Variants in DSN1 observed in about 807,000 individuals in gnomAD.
The protein encoded by DSN1 is kinetochore-associated protein DSN1 homolog.
Under a neutral mutation model 45.7 loss-of-function variants are expected in DSN1, and 31 were observed. The observed-to-expected ratio is 0.68, with a 90% CI of 0.51 to 0.92. The LOEUF (loss-of-function observed/expected upper bound fraction) is 0.92. DSN1 is among the 40% of genes least tolerant of loss of function. The pLI is 0.00. For missense variants in DSN1, 394 were observed against 414.2 expected (o/e 0.95, Z 0.42); for synonymous variants, 134 against 142.3 (o/e 0.94, Z 0.41).
At chr20:36,773,094 A>G (rs548802451) in intron 1 of DSN1, among the ~76,000 whole-genome samples, 1 of 152,390 alleles carries the variant, frequency 6.6e-6, no homozygotes, top group East Asian at 1.9e-4. Flanking sequence ...TCCTTATGAC[A>G]ATATCACACA....
rs2148251261 is a variant in DSN1, at chr20:36,751,914, C to T, written c.*874G>A. ...CATGAATCCAGGATTTAGGTCAACT[C>T]AATATGAAAAACTGAAGCACACTAC... On this transcript the variant is annotated 3_prime_UTR_variant, in exon 11 of 11. Transcript: ENST00000373750. 6.6e-6 allele frequency: 1 copy of T among 152,026 alleles called. No individual in the cohort carries two copies. The highest frequency in any genetic ancestry group is 1.9e-4 in the East Asian group (1 of 5,188). The allele number at this position is 152,026 out of a possible 1,614,324, so 9.4% of individuals were successfully genotyped here. A position where few individuals can be genotyped will look rare whatever the true frequency, so the allele number is the denominator to read the frequency against.
At chr20:36,766,210 A>G (rs1987329806) in intron 5 of DSN1, among the ~76,000 whole-genome samples, 1 of 151,650 alleles carries the variant, frequency 6.6e-6, no homozygotes, top group East Asian at 1.9e-4. Context: ...AAAAAAAAAA[A>G]AAGAAAAAAA....
chr20:36,762,583 G>A, intron 5 of DSN1, 35 bp from the exon 6 acceptor site: 3 of 1,581,032 alleles, frequency 1.9e-6, no homozygotes, highest in Non-Finnish European at 2.6e-6. Context: ...ATAAAATAAA[G>A]GAAATATACG....
chr20:36,757,658 A>T (rs1163394881), intron 8 of DSN1, among the ~76,000 whole-genome samples: 1 of 152,170 alleles, frequency 6.6e-6, no homozygotes, highest in Non-Finnish European at 1.5e-5. Flanking sequence ...CTCTTTCCTC[A>T]ATCTTCCTCA....
chr20:36,755,889 C>T, intron 8 of DSN1, 60 bp from the exon 9 acceptor site: 8 of 1,562,564 alleles, frequency 5.1e-6, no homozygotes, highest in Non-Finnish European at 7.0e-6. Flanking sequence ...GAAGAGATAC[C>T]AAAGATTATC....
intron 6 of DSN1, among the ~76,000 whole-genome samples, chr20:36,761,288 T>C (rs1198701594): frequency 6.6e-6 from 1 of 152,140 alleles, no homozygotes; most frequent in Non-Finnish European, 1.5e-5. Flanking sequence ...GCCCACCCCC[T>C]CAAGTCATGA....
At chr20:36,757,112 T>A (rs1042603161) in intron 8 of DSN1, among the ~76,000 whole-genome samples, 1 of 152,192 alleles carries the variant, frequency 6.6e-6, no homozygotes, top group East Asian at 1.9e-4. Flanking sequence ...TCTCAACACA[T>A]TGGGAGGCCA....
In DSN1 at chr20:36,773,749, G is replaced by C; in HGVS notation, c.-103C>G. ...CCCGCAGCCGATACTCCCTGATCAGGGTGAAGCGGTCTCCACCTTCTACGT... is the reference window on the plus strand; with the variant it reads ...CCCGCAGCCGATACTCCCTGATCAGCGTGAAGCGGTCTCCACCTTCTACGT... On this transcript the variant is annotated 5_prime_UTR_variant, in exon 1 of 11. Transcript: ENST00000373750. The C allele has an allele frequency of 2.0e-6, 2 of 985,544 alleles. No individual in the cohort carries two copies. The highest frequency in any genetic ancestry group is 2.4e-6 in the Non-Finnish European group (2 of 829,988). The allele number at this position is 985,544 out of a possible 1,614,324, so 61.0% of individuals were successfully genotyped here. A position where few individuals can be genotyped will look rare whatever the true frequency, so the allele number is the denominator to read the frequency against.
rs548510665 is a variant in DSN1, at chr20:36,760,231, G to A, written c.591-1614C>T. On this transcript the variant is annotated intron_variant, in intron 6 of 10. Coordinates refer to ENST00000373750, the MANE Select transcript of DSN1 (RefSeq NM_001145315.2). ...TGCACTCCAGCCTGGCCAACAGAGC[G>A]AGACTCTGCCTCAAAAAAAAACAAA... Among the ~76,000 whole-genome samples, 9 of 151,530 alleles carry A rather than the reference G, an allele frequency of 5.9e-5. No individual in the cohort carries two copies. The South Asian group carries it at 1.1e-3, about 18-fold the overall frequency.
intron 3 of DSN1, among the ~76,000 whole-genome samples, chr20:36,769,902 T>C (rs1027651174): frequency 8.5e-6 from 1 of 117,268 alleles, no homozygotes; most frequent in Non-Finnish European, 1.7e-5. Flanking sequence ...TCACTGTAGA[T>C]ACACACACAC....
rs1987774345 is a variant in DSN1 at position 36,773,748 on chromosome 20, G to A, written c.-102C>T. The A allele has an allele frequency of 4.1e-6, 4 of 985,420 alleles. No individual in the cohort carries two copies. The highest frequency in any genetic ancestry group is 6.1e-5 in the Admixed American group (1 of 16,274). The allele number at this position is 985,420 out of a possible 1,614,324, so 61.0% of individuals were successfully genotyped here. A position where few individuals can be genotyped will look rare whatever the true frequency, so the allele number is the denominator to read the frequency against. On this transcript the variant is annotated 5_prime_UTR_variant, in exon 1 of 11. Coordinates refer to ENST00000373750, the MANE Select transcript of DSN1 (RefSeq NM_001145315.2). ...ACCCGCAGCCGATACTCCCTGATCA[G>A]GGTGAAGCGGTCTCCACCTTCTACG...
intron 8 of DSN1, 122 bp from the exon 9 acceptor site, chr20:36,755,951 TC>T: frequency 8.7e-7 from 1 of 1,152,662 alleles, no homozygotes; most frequent in Non-Finnish European, 1.2e-6. Flanking sequence ...TAGGCTCACT[TC>T]TTAACAGAAA....
intron 3 of DSN1, 74 bp downstream of exon 3, chr20:36,770,799 T>C: frequency 6.7e-7 from 1 of 1,494,916 alleles, no homozygotes. Flanking sequence ...CATACCTCAC[T>C]GCCTCTTATC....
At chr20:36,754,616 T>G (rs1346498377) in intron 10 of DSN1, 147 bp downstream of exon 10, 1 of 569,264 alleles carries the variant, frequency 1.8e-6, no homozygotes, top group East Asian at 2.9e-5. Context: ...TGAGTACCCA[T>G]AACATACTAT....
chr20:36,771,619 G>A, intron 1 of DSN1, 146 bp from the exon 2 acceptor site: 1 of 654,322 alleles, frequency 1.5e-6, no homozygotes. Flanking sequence ...AATATCAGCA[G>A]GGGCCATCAC....
At chr20:36,754,394 A>G (rs1394553091) in intron 10 of DSN1, among the ~76,000 whole-genome samples, 1 of 152,196 alleles carries the variant, frequency 6.6e-6, no homozygotes, top group East Asian at 1.9e-4. Context: ...TGTATAGCCA[A>G]TAATTTAGGG....
chr20:36,755,976 TTG>T, intron 8 of DSN1, 147 bp from the exon 9 acceptor site: 3 of 905,270 alleles, frequency 3.3e-6, no homozygotes, highest in Non-Finnish European at 4.8e-6. Flanking sequence ...TTTTTTTTGT[TTG>T]TTTGTTTGTT....
rs951520636 is a variant in DSN1, at chr20:36,758,703, T to C, written c.591-86A>G. On this transcript the variant is annotated intron_variant, in intron 6 of 10. Coordinates refer to ENST00000373750, the MANE Select transcript of DSN1 (RefSeq NM_001145315.2). Reference sequence around the variant, plus strand: ...GCTTATAAATTAGTTATTTATTTATTTCAGACGGAGTTTCCCTCTTGTTGC... The same window carrying C: ...GCTTATAAATTAGTTATTTATTTATCTCAGACGGAGTTTCCCTCTTGTTGC... 76 of 1,329,320 alleles carry C rather than the reference T, an allele frequency of 5.7e-5. No homozygotes were observed. In the East Asian group the frequency reaches 1.7e-3, roughly 30 times the overall value. 82.3% of individuals were successfully genotyped at this position (1,329,320 alleles called of 1,614,324 possible).
chr20:36,757,146 A>T (rs1986716074), intron 8 of DSN1, among the ~76,000 whole-genome samples: 1 of 152,262 alleles, frequency 6.6e-6, no homozygotes, highest in Non-Finnish European at 1.5e-5. Flanking sequence ...ACTTGAGGCC[A>T]GGAGTTCACG....
Sources: gnomAD v4.1 joint callset for allele counts (sites outside exome capture counted in the v4.1 genomes callset) on GRCh38, gnomAD v4.1.1 for gene constraint, MANE v1.5 for transcripts, NCBI Gene and HGNC (gene_info 2026-07-23, HGNC 2026-07-21) for gene names.